The following PCDHA5 variants were observed in gnomAD, a reference collection of about 807,000 sequenced individuals.
PCDHA5 encodes protocadherin alpha 5.
Under a neutral mutation model 61.6 loss-of-function variants are expected in PCDHA5, and 43 were observed. The ratio of observed to expected loss-of-function variants is 0.70; its 90% CI spans 0.55 to 0.90. The LOEUF is 0.90. PCDHA5 is among the 40% of genes least tolerant of loss of function. PCDHA5 has a pLI of 0.00. For missense variants in PCDHA5, 1,298 were observed against 1,222.7 expected (o/e 1.06, Z -0.92); for synonymous variants, 627 against 543.9 (o/e 1.15, Z -2.13).
At chr5:140,876,762 G>T in intron 1 of PCDHA5, 1 of 1,614,252 alleles carries the variant, frequency 6.2e-7, no homozygotes, top group South Asian at 1.1e-5. Flanking sequence ...CGCGGGATGG[G>T]GGCTCGCCTT....
Position 140,858,130 on chromosome 5 carries a change from C to G in PCDHA5, c.2352+34003C>G, listed in dbSNP as rs1210306605. ...CGCCCGAGGTGGCCCTGGTGGATGT[C>G]AACGTGTACCTGATCATCGCCATCT... On this transcript the variant is annotated intron_variant, in intron 1 of 3. Transcript: ENST00000529859. 27 of 1,597,776 alleles carry G rather than the reference C, an allele frequency of 1.7e-5. 5 individuals carry two copies. The highest frequency in any genetic ancestry group is 2.3e-5 in the Non-Finnish European group (27 of 1,167,556).
At chr5:140,830,049 AC>A in intron 1 of PCDHA5, 1 of 1,613,626 alleles carries the variant, frequency 6.2e-7, no homozygotes, top group Non-Finnish European at 8.5e-7. Flanking sequence ...CTGGTGAAAG[AC>A]CACGGTGAGC....
chr5:140,967,273 A>G lies in PCDHA5; in HGVS notation c.2353-11676A>G, dbSNP rs2096121712. The G allele has an allele frequency of 1.9e-6, 3 of 1,613,332 alleles. No individual in the cohort carries two copies. Among genetic ancestry groups the G allele is most frequent in the South Asian group, 2.2e-5 (2 of 91,074 alleles). On this transcript the variant is annotated intron_variant, in intron 1 of 3. Transcript: ENST00000529859. ...TGGCGCCTGGAGCGCGCTTTCACAT[A>G]GAGAGTGCGCAGGACCCCGACGTGG...
At chr5:140,842,669 G>C (rs1554139258) in intron 1 of PCDHA5, 2 of 1,595,384 alleles carry the variant, frequency 1.3e-6, no homozygotes, top group East Asian at 2.2e-5. Context: ...CGACGTGAAC[G>C]ACAATGCTCC....
At chr5:140,913,789 T>C (rs2076466373) in intron 1 of PCDHA5, among the ~76,000 whole-genome samples, 1 of 152,176 alleles carries the variant, frequency 6.6e-6, no homozygotes, top group African/African-American at 2.4e-5. Context: ...CCATTATCAT[T>C]TGTTTGAATC....
Position 140,882,583 on chromosome 5 carries a change from C to T in PCDHA5, c.2352+58456C>T, listed in dbSNP as rs143956549. ...GGCGGAGCGCGGAGTGCAGCATCCA[C>T]CTGGAGGTGATCGTGGACAGGCCTC... On this transcript the variant is annotated intron_variant, in intron 1 of 3. Coordinates refer to ENST00000529859, the MANE Select transcript of PCDHA5 (RefSeq NM_018908.3). 2.3e-3 allele frequency: 3,635 copies of T among 1,614,232 alleles called. 15 individuals are homozygous for T. Among genetic ancestry groups the T allele is most frequent in the Middle Eastern group, 9.6e-3 (58 of 6,060 alleles).
chr5:140,882,283 G>A (rs1554173377), intron 1 of PCDHA5: 2 of 1,612,834 alleles, frequency 1.2e-6, no homozygotes, highest in South Asian at 1.1e-5. Flanking sequence ...TGTCTTCCTG[G>A]CAAGGAGGCC....
chr5:140,882,596 G>C, intron 1 of PCDHA5: 1 of 1,614,248 alleles, frequency 6.2e-7, no homozygotes, highest in Non-Finnish European at 8.5e-7. Context: ...GGAGGTGATC[G>C]TGGACAGGCC....
intron 1 of PCDHA5, among the ~76,000 whole-genome samples, chr5:140,915,626 G>GTTTCTC (rs149393620): frequency 6.8e-6 from 1 of 146,436 alleles, no homozygotes; most frequent in African/African-American, 2.5e-5. Context: ...GTCTCTTTCT[G>GTTTCTC]TCTCTCTCTC....
At chr5:140,999,524 C>T (rs1367103048) in intron 3 of PCDHA5, among the ~76,000 whole-genome samples, 1 of 152,026 alleles carries the variant, frequency 6.6e-6, no homozygotes, top group Non-Finnish European at 1.5e-5. Context: ...ATTTTGTTAC[C>T]CCCTGGATAT....
Position 141,000,395 on chromosome 5 carries a change from C to CTA in PCDHA5, c.2501-9206_2501-9205dup, listed in dbSNP as rs1190667031. 1.6e-3 allele frequency among the ~76,000 whole-genome samples: 89 copies of CTA among 53,960 alleles called. 3 individuals carry two copies. Among genetic ancestry groups the CTA allele is most frequent in the Non-Finnish European group, 2.3e-3 (71 of 31,108 alleles). 35.4% of individuals were successfully genotyped at this position (53,960 alleles called of 152,430 possible). A position where few individuals can be genotyped will look rare whatever the true frequency, so the allele number is the denominator to read the frequency against. ...TCTCTCTCTCTCTCTCTCTCTCTCT[C>CTA]TATATATATATATATATATATATAT... On this transcript the variant is annotated intron_variant, in intron 3 of 3. Coordinates refer to ENST00000529859, the MANE Select transcript of PCDHA5 (RefSeq NM_018908.3).
rs782212784 is a variant in PCDHA5 at position 140,883,583 on chromosome 5, G to A, written c.2352+59456G>A. ...GGGCTCGCCTTCGCTGTGGGCCACGGCCAGCGTGTCGGTGGGGGTGGCCGA... is the reference window on the plus strand; with the variant it reads ...GGGCTCGCCTTCGCTGTGGGCCACGACCAGCGTGTCGGTGGGGGTGGCCGA... On this transcript the variant is annotated intron_variant, in intron 1 of 3. Coordinates refer to ENST00000529859, the MANE Select transcript of PCDHA5 (RefSeq NM_018908.3). The A allele has an allele frequency of 1.9e-5, 31 of 1,613,916 alleles. No individual in the cohort carries two copies. The African/African-American group carries it at 3.7e-4, about 19-fold the overall frequency.
chr5:140,843,887 A>T, intron 1 of PCDHA5: 2 of 705,148 alleles, frequency 2.8e-6, no homozygotes, highest in Non-Finnish European at 4.7e-6. Context: ...ATAATACAGT[A>T]TTAATCATTC....
intron 1 of PCDHA5, chr5:140,966,946 C>T: frequency 6.2e-7 from 1 of 1,603,486 alleles, no homozygotes; most frequent in Non-Finnish European, 8.5e-7. Flanking sequence ...TCGTGGGCAA[C>T]GTGGCTCGCG....
intron 1 of PCDHA5, among the ~76,000 whole-genome samples, chr5:140,826,250 A>G (rs992986952): frequency 6.6e-6 from 1 of 152,180 alleles, no homozygotes; most frequent in African/African-American, 2.4e-5. Context: ...ATATCTCTTT[A>G]TATATCAAGT....
At chr5:140,939,712 C>T (rs1019626550) in intron 1 of PCDHA5, among the ~76,000 whole-genome samples, 2 of 152,256 alleles carry the variant, frequency 1.3e-5, no homozygotes, top group East Asian at 1.9e-4. Context: ...TTGTGAGATA[C>T]ATTTATATTG....
chr5:140,969,310 T>C, intron 1 of PCDHA5: 2 of 1,614,198 alleles, frequency 1.2e-6, no homozygotes, highest in East Asian at 2.2e-5. Context: ...TTCTCAAAAA[T>C]GAGGCTGTTT....
chr5:140,858,650 T>G, intron 1 of PCDHA5: 2 of 822,762 alleles, frequency 2.4e-6, no homozygotes, highest in South Asian at 3.9e-5. Context: ...GGTACTTAAA[T>G]TTTTTTAAAT....
At chr5:140,964,862 A>G (rs560839818) in intron 1 of PCDHA5, among the ~76,000 whole-genome samples, 1 of 152,316 alleles carries the variant, frequency 6.6e-6, no homozygotes, top group South Asian at 2.1e-4. Context: ...GGAAACAAAG[A>G]GGACAAATAA....
Sources: allele counts gnomAD v4.1 joint callset (sites outside exome capture counted in the v4.1 genomes callset), GRCh38; gene constraint gnomAD v4.1.1; transcripts MANE v1.5; gene names NCBI Gene and HGNC (gene_info 2026-07-23, HGNC 2026-07-21).